Variants in ATP11A observed in about 807,000 individuals in gnomAD.
ATP11A encodes the protein phospholipid-transporting ATPase IH.
ATP11A carries 81 observed loss-of-function variants against 154.4 expected under a neutral mutation model. The observed-to-expected ratio is 0.52, with a 90% confidence interval of 0.44 to 0.63. ATP11A has a LOEUF of 0.63. ATP11A is among the 30% of genes least tolerant of loss of function. The pLI is 0.00. For missense variants in ATP11A, 1,316 were observed against 1,474.3 expected (o/e 0.89, Z 1.76); for synonymous variants, 623 against 585.9 (o/e 1.06, Z -0.91).
intron 1 of ATP11A, among the ~76,000 whole-genome samples, chr13:112,737,135 G>A (rs532772588): frequency 1.3e-5 from 2 of 152,280 alleles, no homozygotes; most frequent in South Asian, 2.1e-4. Context: ...CCTAAACAAG[G>A]AAAAGAAGCC....
chr13:112,844,163 C>T (rs891839259), intron 17 of ATP11A, among the ~76,000 whole-genome samples: 4 of 152,196 alleles, frequency 2.6e-5, no homozygotes, highest in African/African-American at 7.2e-5. Flanking sequence ...GCTGAGCACA[C>T]GATGGCTACA....
chr13:112,837,716 C>T (rs2079276454), intron 16 of ATP11A, among the ~76,000 whole-genome samples: 1 of 152,168 alleles, frequency 6.6e-6, no homozygotes, highest in African/African-American at 2.4e-5. Context: ...CCAGCATTTT[C>T]CTAAGATGTG....
chr13:112,693,329 G>C (rs1445864434), intron 1 of ATP11A, among the ~76,000 whole-genome samples: 1 of 151,876 alleles, frequency 6.6e-6, no homozygotes, highest in African/African-American at 2.4e-5. Context: ...GTGCTCTGGG[G>C]GGCGTGGGGA....
chr13:112,690,427 G>C lies in ATP11A; in HGVS notation c.11G>C (p.Ser4Thr). The C allele has an allele frequency of 7.4e-7, 1 of 1,344,808 alleles. No individual in the cohort carries two copies. Among genetic ancestry groups the C allele is most frequent in the Non-Finnish European group, 9.6e-7 (1 of 1,045,768 alleles). 83.3% of individuals were successfully genotyped at this position (1,344,808 alleles called of 1,614,324 possible). Reference sequence around the variant, plus strand: ...GCGGCCGGAGGAGCCATGGACTGCAGCCTCGTGCGGACGCTCGTGCACAGA... The same window carrying C: ...GCGGCCGGAGGAGCCATGGACTGCACCCTCGTGCGGACGCTCGTGCACAGA... MDC[S>T]LVRTLVHRYC... The change falls in exon 1 of 30, where the codon AGC (serine) becomes ACC (threonine). Residue 4 changes from serine (S) to threonine (T), a missense_variant. Ser to Thr is a moderately conservative substitution (Grantham distance 58). Coordinates refer to ENST00000375645, the MANE Select transcript of ATP11A (RefSeq NM_015205.3). The surrounding 1 kb of genome is among the most constrained non-coding windows in gnomAD (Gnocchi z 5.6).
rs2076769201 is a variant in ATP11A at position 112,754,456 on chromosome 13, CTCT to C, written c.40-30678_40-30676del. 1 of 150,416 alleles carries C rather than the reference CTCT, an allele frequency of 6.6e-6. No homozygotes were observed. Among genetic ancestry groups the C allele is most frequent in the Non-Finnish European group, 1.5e-5 (1 of 67,208 alleles). The allele number at this position is 150,416 out of a possible 1,614,324, so 9.3% of individuals were successfully genotyped here. A position where few individuals can be genotyped will look rare whatever the true frequency, so the allele number is the denominator to read the frequency against. On this transcript the variant is annotated intron_variant, in intron 1 of 29. Transcript: ENST00000375645. This position sits in a 1 kb window ranked among gnomAD's most constrained non-coding sequence, Gnocchi z 5.3. ...AGGCAGGTGCCACCCCACAGCCCTG[CTCT>C]CCCGCCGAGGAAACTGAGTACTGGG... is the stretch of plus-strand genomic sequence containing the variant.
At position 112,746,407 on chromosome 13, in the gene ATP11A, G is replaced by C. The variant is rs562282267; in HGVS notation, c.40-38728G>C. ...GTTCCGGTTCCCCACGTCCTCACCGGGTAACTGGGGTTCCGGCTCCCCGCG... is the reference window on the plus strand; with the variant it reads ...GTTCCGGTTCCCCACGTCCTCACCGCGTAACTGGGGTTCCGGCTCCCCGCG... On this transcript the variant is annotated intron_variant, in intron 1 of 29. Transcript: ENST00000375645. This position sits in a 1 kb window ranked among gnomAD's most constrained non-coding sequence, Gnocchi z 4.1. The C allele has an allele frequency of 7.2e-5, 11 of 152,094 alleles. No individual in the cohort carries two copies. Among genetic ancestry groups the C allele is most frequent in the African/African-American group, 2.4e-4 (10 of 41,490 alleles). The allele number at this position is 152,094 out of a possible 1,614,324, so 9.4% of individuals were successfully genotyped here. A position where few individuals can be genotyped will look rare whatever the true frequency, so the allele number is the denominator to read the frequency against.
intron 16 of ATP11A, among the ~76,000 whole-genome samples, chr13:112,836,677 TCAAAGTTG>T (rs1042644931): frequency 9.9e-5 from 15 of 152,250 alleles, no homozygotes; most frequent in African/African-American, 3.6e-4. Context: ...ATAATAATGT[TCAAAGTTG>T]CAAAGTGAGC....
Position 112,838,403 on chromosome 13 carries a change from C to T in ATP11A, c.1705+2152C>T, listed in dbSNP as rs148132468. On this transcript the variant is annotated intron_variant, in intron 16 of 29. Transcript: ENST00000375645. The surrounding 1 kb of genome is among the most constrained non-coding windows in gnomAD (Gnocchi z 7.3). ...CTCACGTGGTTTTCCCCGTAGCAGT[C>T]GAATCTAGCTGTTGAGCCGTGGCTG... Among the ~76,000 whole-genome samples the T allele has an allele frequency of 3.1e-3, 475 of 152,096 alleles. 1 individual carries two copies. Among genetic ancestry groups the T allele is most frequent in the African/African-American group, 0.01 (426 of 41,396 alleles).
chr13:112,777,169 C>T (rs781714880), intron 1 of ATP11A, among the ~76,000 whole-genome samples: 3 of 151,566 alleles, frequency 2.0e-5, no homozygotes, highest in African/African-American at 4.8e-5. Context: ...CAAGCTCAGG[C>T]GCTGGCACCT....
At chr13:112,824,250 C>T in intron 9 of ATP11A, 94 bp from the exon 10 acceptor site, 1 of 956,468 alleles carries the variant, frequency 1.0e-6, no homozygotes, top group East Asian at 2.4e-5. Flanking sequence ...TTCGCTTTAC[C>T]CAAGAATTGA....
At chr13:112,810,330 C>CA (rs1421040939) in intron 4 of ATP11A, among the ~76,000 whole-genome samples, 1 of 152,194 alleles carries the variant, frequency 6.6e-6, no homozygotes, top group Non-Finnish European at 1.5e-5. Flanking sequence ...TGAATAGGCA[C>CA]AAAAAGTACA....
At position 112,824,333 on chromosome 13, in the gene ATP11A, C is replaced by T; in HGVS notation, c.791-11C>T. The T allele has an allele frequency of 1.2e-6, 2 of 1,610,918 alleles. No homozygotes were observed. Among genetic ancestry groups the T allele is most frequent in the Non-Finnish European group, 1.7e-6 (2 of 1,177,068 alleles). ...CGCCCTGGTCATCACCCTTGCTCTTCCTCTCTGTAGGTGTGGCTATTTACA... is the reference window on the plus strand; with the variant it reads ...CGCCCTGGTCATCACCCTTGCTCTTTCTCTCTGTAGGTGTGGCTATTTACA... On this transcript the variant is annotated splice_polypyrimidine_tract_variant and intron_variant, in intron 9 of 29. Transcript: ENST00000375645.
chr13:112,841,691 C>T (rs762000008), intron 16 of ATP11A, among the ~76,000 whole-genome samples: 3 of 152,392 alleles, frequency 2.0e-5, no homozygotes, highest in East Asian at 3.9e-4. Context: ...GCAGAACTGT[C>T]GTGGCCTTTG....
intron 1 of ATP11A, among the ~76,000 whole-genome samples, chr13:112,702,546 C>T (rs1011577283): frequency 1.3e-5 from 2 of 152,188 alleles, no homozygotes; most frequent in Admixed American, 6.5e-5. Flanking sequence ...TCTTGTGTTC[C>T]GCGGGCTTCT....
intron 4 of ATP11A, among the ~76,000 whole-genome samples, chr13:112,808,968 G>T (rs541016538): frequency 3.9e-5 from 6 of 152,334 alleles, no homozygotes; most frequent in African/African-American, 1.2e-4. Flanking sequence ...CCTCTTTGGC[G>T]TCTTCCCGCA....
chr13:112,736,428 C>A (rs1891008856), intron 1 of ATP11A, among the ~76,000 whole-genome samples: 1 of 152,156 alleles, frequency 6.6e-6, no homozygotes, highest in African/African-American at 2.4e-5. Context: ...TGGCCTGGAG[C>A]TTTCCTCCTG....
At position 112,690,494 on chromosome 13, in the gene ATP11A, A is replaced by G. The variant is rs758571508; in HGVS notation, c.39+39A>G. 5 of 1,299,466 alleles carry G rather than the reference A, an allele frequency of 3.8e-6. No homozygotes were observed. The highest frequency in any genetic ancestry group is 3.8e-5 in the Admixed American group (1 of 26,590). The allele number at this position is 1,299,466 out of a possible 1,614,324, so 80.5% of individuals were successfully genotyped here. ...GCGCGGGCTGGGGGACCCGGGGACC[A>G]GACAGACGCGGGCCGGCCCCGCAGC... On this transcript the variant is annotated intron_variant, in intron 1 of 29. Transcript: ENST00000375645. The surrounding 1 kb of genome is among the most constrained non-coding windows in gnomAD (Gnocchi z 5.6).
rs149166207 is a variant in ATP11A at position 112,744,032 on chromosome 13, A to G, written c.40-41103A>G. Among the ~76,000 whole-genome samples the G allele has an allele frequency of 2.6e-3, 393 of 152,358 alleles. 5 individuals are homozygous for G. Among genetic ancestry groups the G allele is most frequent in the Non-Finnish European group, 7.9e-4 (54 of 68,030 alleles). ...TGGTATGGACGTGGTCATTTTAGTC[A>G]TCATACTATGACGGCTGAGCTGCGT... On this transcript the variant is annotated intron_variant, in intron 1 of 29. Coordinates refer to ENST00000375645, the MANE Select transcript of ATP11A (RefSeq NM_015205.3).
chr13:112,710,684 T>C (rs1297054254), intron 1 of ATP11A, among the ~76,000 whole-genome samples: 2 of 152,198 alleles, frequency 1.3e-5, no homozygotes, highest in Admixed American at 1.3e-4. Flanking sequence ...CAGAGCTGTC[T>C]CATGGGGAGG....
Sources: allele counts gnomAD v4.1 joint callset (sites outside exome capture counted in the v4.1 genomes callset), GRCh38; gene constraint gnomAD v4.1.1; non-coding constraint Gnocchi (gnomAD v3.1); transcripts MANE v1.5; gene names NCBI Gene and HGNC (gene_info 2026-07-23, HGNC 2026-07-21).